The following LIPA variants were observed in gnomAD, a reference collection of about 807,000 sequenced individuals.
The protein encoded by LIPA is lysosomal acid lipase/cholesteryl ester hydrolase.
LIPA carries 26 observed loss-of-function variants against 40.6 expected under a neutral mutation model. That is an observed-to-expected ratio of 0.64 (90% CI 0.47 to 0.89). The LOEUF is 0.89. Ranked by LOEUF, LIPA falls within the 40% of genes least tolerant of loss-of-function variation. The pLI, the probability that LIPA is intolerant of heterozygous loss-of-function variation, is 0.00. For missense variants in LIPA, 455 were observed against 479.6 expected, an observed-to-expected ratio of 0.95 and a Z score of 0.48; for synonymous variants, 188 against 168.4, an observed-to-expected ratio of 1.12 and a Z score of -0.90.
intron 3 of LIPA, among the ~76,000 whole-genome samples, chr10:89,230,144 G>A (rs192069776): frequency 2.7e-3 from 405 of 152,136 alleles, no homozygotes; most frequent in African/African-American, 7.7e-3. Flanking sequence ...CTTACCTAAC[G>A]CTGAGACCAT....
chr10:89,360,866 C>T (rs901817449), intron 2 of LIPA, among the ~76,000 whole-genome samples: 12 of 152,190 alleles, frequency 7.9e-5, no homozygotes, highest in African/African-American at 2.7e-4. Context: ...AGCCCAAGAG[C>T]CTAAAATCAA....
intron 1 of LIPA, among the ~76,000 whole-genome samples, chr10:89,304,768 T>C (rs1330768455): frequency 1.3e-5 from 2 of 152,098 alleles, no homozygotes; most frequent in African/African-American, 4.8e-5. Flanking sequence ...TTTTTGTTGT[T>C]GTTTTGTTTT....
intron 8 of LIPA, among the ~76,000 whole-genome samples, chr10:89,219,835 A>T (rs1283271376): frequency 6.6e-6 from 1 of 152,264 alleles, no homozygotes. Flanking sequence ...AAGATGGTAC[A>T]GCGGGTAGAA....
intron 2 of LIPA, chr10:89,405,590 C>T (rs1050456987): frequency 1.3e-5 from 2 of 152,190 alleles, no homozygotes; most frequent in Admixed American, 6.5e-5. Flanking sequence ...TGACGCTACA[C>T]TCCTCCGGAG....
chr10:89,339,423 C>T (rs1177223031), intron 1 of LIPA: 1 of 1,614,184 alleles, frequency 6.2e-7, no homozygotes, highest in South Asian at 1.1e-5. Context: ...GAAAAGGTGA[C>T]CTAGACAAAG....
intron 9 of LIPA, among the ~76,000 whole-genome samples, chr10:89,215,592 C>T (rs1248376243): frequency 6.6e-6 from 1 of 152,186 alleles, no homozygotes; most frequent in African/African-American, 2.4e-5. Flanking sequence ...TTTATTAGTG[C>T]AGGGAAGAGG....
chr10:89,397,171 G>A (rs79842109), intron 2 of LIPA, among the ~76,000 whole-genome samples: 3,137 of 151,996 alleles, frequency 0.021, 63 homozygotes, highest in South Asian at 0.081. Flanking sequence ...TTATTTAACC[G>A]TTCCCTATTA....
intron 2 of LIPA, among the ~76,000 whole-genome samples, chr10:89,371,943 T>C (rs534692409): frequency 2.6e-5 from 4 of 152,206 alleles, no homozygotes; most frequent in Admixed American, 2.0e-4. Context: ...CTAAGTCAAC[T>C]AACATGGAAA....
At chr10:89,392,852 T>A in intron 2 of LIPA, 1 of 880,134 alleles carries the variant, frequency 1.1e-6, no homozygotes, top group Non-Finnish European at 1.8e-6. Flanking sequence ...GCTTATGGAC[T>A]GAATGTGTGC....
intron 1 of LIPA, among the ~76,000 whole-genome samples, chr10:89,283,541 A>C (rs1011326320): frequency 6.6e-6 from 1 of 152,210 alleles, no homozygotes; most frequent in African/African-American, 2.4e-5. Context: ...TTCTCTGACC[A>C]CTACATTGCT....
intron 5 of LIPA, 135 bp downstream of exon 5, chr10:89,226,760 T>G: frequency 1.5e-6 from 1 of 651,834 alleles, no homozygotes; most frequent in Non-Finnish European, 2.7e-6. Flanking sequence ...TTCCTTATCT[T>G]ATTCATTATT....
At chr10:89,332,628 G>A (rs1843667043) in intron 1 of LIPA, 1 of 1,613,862 alleles carries the variant, frequency 6.2e-7, no homozygotes, top group African/African-American at 1.3e-5. Flanking sequence ...CCATCATGAG[G>A]TAAATAGTCC....
chr10:89,272,194 C>A (rs1228620801), intron 1 of LIPA, among the ~76,000 whole-genome samples: 2 of 152,128 alleles, frequency 1.3e-5, no homozygotes, highest in African/African-American at 2.4e-5. Flanking sequence ...TTTCACCATC[C>A]AGGTATTAAG....
chr10:89,243,255 T>A (rs1842984436), intron 3 of LIPA, among the ~76,000 whole-genome samples: 1 of 152,204 alleles, frequency 6.6e-6, no homozygotes, highest in Non-Finnish European at 1.5e-5. Flanking sequence ...TGTTTTAGAA[T>A]GTGGAAATGC....
At chr10:89,369,188 C>A (rs563219360) in intron 2 of LIPA, among the ~76,000 whole-genome samples, 1 of 152,262 alleles carries the variant, frequency 6.6e-6, no homozygotes, top group African/African-American at 2.4e-5. Flanking sequence ...CTTGTACATA[C>A]AAAAGAAGCA....
At chr10:89,334,309 G>A (rs1050289393) in intron 1 of LIPA, among the ~76,000 whole-genome samples, 5 of 151,754 alleles carry the variant, frequency 3.3e-5, no homozygotes, top group African/African-American at 9.7e-5. Context: ...TTTAGTAAGC[G>A]AAATCTTATG....
rs376895620 is a variant in LIPA at position 89,215,020 on chromosome 10, C to T, written c.1008G>A (p.Pro336=). The T allele has an allele frequency of 2.5e-5, 41 of 1,614,078 alleles. No individual in the cohort carries two copies. The East Asian group carries it at 4.9e-4, about 19-fold the overall frequency. ...PTYNVKDMLV[P]TAVWSGGHDW... ...CGTGACCCCCGCTCCAGACTGCAGT[C>T]GGCACAAGCATGTCCTTCACATTGT... Residue 336 remains proline (P), a synonymous_variant, in exon 10 of 10, where the codon CCG becomes CCA. Transcript: ENST00000336233.
rs578154457 is a variant in LIPA at position 89,334,478 on chromosome 10, C to CTTT, written c.-2+8130_-2+8132dup. Among the ~76,000 whole-genome samples, 61 of 25,326 alleles carry CTTT rather than the reference C, an allele frequency of 2.4e-3. 3 individuals carry two copies. The highest frequency in any genetic ancestry group is 2.8e-3 in the Non-Finnish European group (41 of 14,412). The allele number at this position is 25,326 out of a possible 152,430, so 16.6% of individuals were successfully genotyped here. On this transcript the variant is annotated intron_variant, in intron 1 of 5. Coordinates refer to the LIPA transcript ENST00000282673. ...TGTTTTTTCTTCTTTTTCTTTTATT[C>CTTT]TTTTTTTTTTTTTTTTTTTTTTTTT...
chr10:89,412,644 G>A (rs1347292217), intron 2 of LIPA: 13 of 330,596 alleles, frequency 3.9e-5, no homozygotes, highest in African/African-American at 2.5e-4. Context: ...TCACCACAAA[G>A]GTCTACGGCT....
Sources: gnomAD v4.1 joint callset for allele counts (sites outside exome capture counted in the v4.1 genomes callset) on GRCh38, gnomAD v4.1.1 for gene constraint, MANE v1.5 for transcripts, NCBI Gene and HGNC (gene_info 2026-07-23, HGNC 2026-07-21) for gene names.